SNTB1: variants seen among roughly 807,000 people sequenced by gnomAD.
SNTB1 encodes syntrophin beta 1, also known as beta-1-syntrophin.
In SNTB1, 36 loss-of-function variants were observed where a neutral mutation model predicts 48.9. The observed-to-expected ratio is 0.74, with a 90% CI of 0.56 to 0.97. The LOEUF (loss-of-function observed/expected upper bound fraction) is 0.97, where lower values mean the gene tolerates loss of function less well. Among genes scored for constraint, SNTB1 ranks in the 50% least tolerant of loss-of-function variants. SNTB1 has a pLI of 0.00. For missense variants in SNTB1, 786 were observed against 703.4 expected, an observed-to-expected ratio of 1.12 and a Z score of -1.33; for synonymous variants, 299 against 294.6, an observed-to-expected ratio of 1.01 and a Z score of -0.15.
chr8:120,564,432 T>C (rs1205383243), intron 4 of SNTB1, among the ~76,000 whole-genome samples: 1 of 151,350 alleles, frequency 6.6e-6, no homozygotes, highest in Non-Finnish European at 1.5e-5. Flanking sequence ...ATCTGGGGCT[T>C]CCAGCCTCTA....
chr8:120,579,879 C>G (rs1816015869), intron 3 of SNTB1, among the ~76,000 whole-genome samples: 1 of 152,174 alleles, frequency 6.6e-6, no homozygotes, highest in African/African-American at 2.4e-5. Context: ...AGCTGTCTTA[C>G]AGACAGTAAA....
At chr8:120,682,325 A>C (rs1435647920) in intron 2 of SNTB1, among the ~76,000 whole-genome samples, 1 of 152,216 alleles carries the variant, frequency 6.6e-6, no homozygotes, top group East Asian at 1.9e-4. Flanking sequence ...ATTTCACTTA[A>C]AATAATTTTA....
chr8:120,801,762 C>T (rs575233580), intron 1 of SNTB1, among the ~76,000 whole-genome samples: 13 of 152,232 alleles, frequency 8.5e-5, no homozygotes, highest in Admixed American at 3.3e-4. Context: ...TTCACAGCTG[C>T]TCCTATCGTT....
intron 3 of SNTB1, among the ~76,000 whole-genome samples, chr8:120,617,375 G>T (rs571839656): frequency 2.3e-4 from 35 of 152,322 alleles, no homozygotes; most frequent in Non-Finnish European, 4.3e-4. Context: ...AAACTGGAGT[G>T]TTCACTTCTA....
In SNTB1 at chr8:120,551,133, G is replaced by GTAAT. The variant is rs1815472491; in HGVS notation, c.1137-2179_1137-2176dup. On this transcript the variant is annotated intron_variant, in intron 4 of 6. Coordinates refer to ENST00000517992, the MANE Select transcript of SNTB1 (RefSeq NM_021021.4). ...TATCTGGACATGGTGGCACGCACCT[G>GTAAT]TAATTCCAGCTACTTGGGAGGCTGA... 2.6e-5 allele frequency among the ~76,000 whole-genome samples: 4 copies of GTAAT among 151,866 alleles called. No homozygotes were observed. The South Asian group carries it at 8.3e-4, about 32-fold the overall frequency.
chr8:120,700,145 A>G (rs139362877), intron 1 of SNTB1, among the ~76,000 whole-genome samples: 251 of 143,434 alleles, frequency 1.7e-3, no homozygotes, highest in African/African-American at 6.7e-3. Context: ...TCTCGCTCTG[A>G]AAAAAAATTG....
chr8:120,571,372 T>C, intron 4 of SNTB1: 1 of 1,283,294 alleles, frequency 7.8e-7, no homozygotes, highest in Non-Finnish European at 1.0e-6. Context: ...GGACTGTGGA[T>C]GCAAAGTACA....
chr8:120,745,091 T>C (rs1819104106), intron 1 of SNTB1, among the ~76,000 whole-genome samples: 1 of 151,784 alleles, frequency 6.6e-6, no homozygotes, highest in Non-Finnish European at 1.5e-5. Context: ...AGAACAAATG[T>C]GGAAAAAAAG....
At chr8:120,559,385 T>C (rs1468938194) in intron 4 of SNTB1, among the ~76,000 whole-genome samples, 1 of 152,234 alleles carries the variant, frequency 6.6e-6, no homozygotes, top group Non-Finnish European at 1.5e-5. Context: ...ATGGATCCAA[T>C]TTGAAGACTT....
rs1238301267 is a variant in SNTB1, at chr8:120,538,679, A to C, written c.*198T>G. ...AGAAAGTTTTACTCTGATATTTCTC[A>C]TGGTACTTTCGCAGGGTATCCCTTG... On this transcript the variant is annotated 3_prime_UTR_variant, in exon 7 of 7. Transcript: ENST00000517992. 1 of 656,308 alleles carries C rather than the reference A, an allele frequency of 1.5e-6. No homozygotes were observed. The highest frequency in any genetic ancestry group is 3.0e-5 in the East Asian group (1 of 33,348). 40.7% of individuals were successfully genotyped at this position (656,308 alleles called of 1,614,324 possible).
intron 3 of SNTB1, among the ~76,000 whole-genome samples, chr8:120,621,591 C>T (rs1373600435): frequency 1.3e-5 from 2 of 152,136 alleles, no homozygotes; most frequent in Admixed American, 1.3e-4. Context: ...GCAAAAATCA[C>T]AATTACTTTC....
chr8:120,691,959 G>A (rs1439892527), intron 2 of SNTB1, among the ~76,000 whole-genome samples: 1 of 152,144 alleles, frequency 6.6e-6, no homozygotes, highest in Non-Finnish European at 1.5e-5. Context: ...GAGTAACCAG[G>A]ATATCGACTG....
chr8:120,591,490 G>A (rs1478283674), intron 3 of SNTB1, among the ~76,000 whole-genome samples: 2 of 152,146 alleles, frequency 1.3e-5, no homozygotes, highest in Non-Finnish European at 2.9e-5. Context: ...CTGCCAGGAA[G>A]GAATGTCTGG....
intron 1 of SNTB1, among the ~76,000 whole-genome samples, chr8:120,784,084 C>A (rs1372531249): frequency 6.6e-6 from 1 of 152,064 alleles, no homozygotes; most frequent in Non-Finnish European, 1.5e-5. Flanking sequence ...ACCTCCACCT[C>A]CTGGGTTCAA....
chr8:120,562,917 G>C (rs1815686235), intron 4 of SNTB1, among the ~76,000 whole-genome samples: 1 of 151,490 alleles, frequency 6.6e-6, no homozygotes, highest in Non-Finnish European at 1.5e-5. Flanking sequence ...AAACGGGTTA[G>C]TTGCTTAGGC....
chr8:120,800,244 G>A (rs1008663991), intron 1 of SNTB1, among the ~76,000 whole-genome samples: 2 of 151,918 alleles, frequency 1.3e-5, no homozygotes, highest in East Asian at 1.9e-4. Flanking sequence ...AAAGCCCCAC[G>A]CCAACTTTAT....
intron 2 of SNTB1, among the ~76,000 whole-genome samples, chr8:120,680,044 G>A (rs976461558): frequency 3.9e-4 from 60 of 152,184 alleles, no homozygotes; most frequent in African/African-American, 1.4e-3. Context: ...TACCCTCCCT[G>A]TCTTCCTATC....
intron 3 of SNTB1, among the ~76,000 whole-genome samples, chr8:120,612,880 T>G (rs13278351): frequency 0.44 from 66,755 of 152,166 alleles, 17,864 homozygotes; most frequent in Non-Finnish European, 0.62. Flanking sequence ...CCTCAAACAT[T>G]TATCATATCT....
intron 1 of SNTB1, among the ~76,000 whole-genome samples, chr8:120,789,905 A>G (rs1308092862): frequency 6.6e-6 from 1 of 152,156 alleles, no homozygotes; most frequent in African/African-American, 2.4e-5. Flanking sequence ...TATCACCCTG[A>G]TACCAAAACC....
Sources: allele counts gnomAD v4.1 joint callset (sites outside exome capture counted in the v4.1 genomes callset), GRCh38; gene constraint gnomAD v4.1.1; transcripts MANE v1.5; gene names NCBI Gene and HGNC (gene_info 2026-07-23, HGNC 2026-07-21).